FRK: variants seen among roughly 807,000 people sequenced by gnomAD.
The protein encoded by FRK is fyn related Src family tyrosine kinase.
In FRK, 51 loss-of-function variants were observed where a neutral mutation model predicts 56.4. The observed-to-expected ratio is 0.90, with a 90% CI of 0.72 to 1.14. The LOEUF (loss-of-function observed/expected upper bound fraction) is 1.14, where lower values mean the gene tolerates loss of function less well. Among genes scored for constraint, FRK ranks in the 50% most tolerant of loss-of-function variants. The pLI is 0.00. For missense variants in FRK, 570 were observed against 601.4 expected (o/e 0.95, Z 0.55); for synonymous variants, 245 against 217.9 (o/e 1.12, Z -1.10).
At chr6:115,958,979 A>T (rs917639411) in intron 4 of FRK, among the ~76,000 whole-genome samples, 2 of 152,206 alleles carry the variant, frequency 1.3e-5, no homozygotes, top group South Asian at 4.1e-4. Flanking sequence ...CTGAAATCAC[A>T]GTAGGTCAGA....
rs550007992 is a variant in FRK, at chr6:115,938,942, A to G, written c.*3472T>C. ...ATTCTTTCTGAAACTATTCCAAACA[A>G]TAGGAAAAGAGGGACTCCTCCCTAA... On this transcript the variant is annotated 3_prime_UTR_variant, in exon 8 of 8. Coordinates refer to ENST00000606080, the MANE Select transcript of FRK (RefSeq NM_002031.3). The G allele has an allele frequency of 2.0e-5, 3 of 152,298 alleles. No individual in the cohort carries two copies. In the South Asian group the frequency reaches 6.2e-4, roughly 32 times the overall value. 9.4% of individuals were successfully genotyped at this position (152,298 alleles called of 1,614,324 possible).
chr6:116,089,633 C>G, the FRK span, among the ~76,000 whole-genome samples: 1 of 152,302 alleles, frequency 6.6e-6, no homozygotes, highest in East Asian at 1.9e-4. Flanking sequence ...TGTGTCCTCA[C>G]ACACTCTTTG....
At chr6:116,033,822 A>C (rs1776379966) in intron 1 of FRK, among the ~76,000 whole-genome samples, 1 of 152,136 alleles carries the variant, frequency 6.6e-6, no homozygotes, top group African/African-American at 2.4e-5. Context: ...GACTGTATTT[A>C]AGGTAAGGGT....
the FRK span, among the ~76,000 whole-genome samples, chr6:116,099,356 T>TC: frequency 6.6e-6 from 1 of 152,172 alleles, no homozygotes; most frequent in Non-Finnish European, 1.5e-5. Flanking sequence ...AACAAGATAT[T>TC]CCCCAAGGAA....
chr6:115,982,458 C>T (rs1479563293), intron 2 of FRK, among the ~76,000 whole-genome samples: 2 of 152,122 alleles, frequency 1.3e-5, no homozygotes, highest in African/African-American at 4.8e-5. Context: ...AGAATCCTGA[C>T]TAATACAATT....
At chr6:116,051,434 T>C (rs1777176528) in intron 1 of FRK, among the ~76,000 whole-genome samples, 1 of 152,158 alleles carries the variant, frequency 6.6e-6, no homozygotes, top group South Asian at 2.1e-4. Context: ...AAAAATTGCA[T>C]CATGACAGAA....
chr6:116,031,656 T>G (rs1374357240), intron 1 of FRK, among the ~76,000 whole-genome samples: 1 of 152,076 alleles, frequency 6.6e-6, no homozygotes, highest in Non-Finnish European at 1.5e-5. Flanking sequence ...TTAGAGTCCA[T>G]GGACTCCCAC....
At chr6:115,982,527 G>A (rs1193588009) in intron 2 of FRK, among the ~76,000 whole-genome samples, 1 of 152,078 alleles carries the variant, frequency 6.6e-6, no homozygotes, top group Admixed American at 6.6e-5. Flanking sequence ...TGTAGGTCAG[G>A]TAACATACAA....
In FRK at chr6:115,940,773, A is replaced by G. The variant is rs1024686340; in HGVS notation, c.*1641T>C. ...TAGAGAAATCCAAATCAAAACCACA[A>G]TGAGATACCATCTCACACCAGTTAG... On this transcript the variant is annotated 3_prime_UTR_variant, in exon 8 of 8. Coordinates refer to ENST00000606080, the MANE Select transcript of FRK (RefSeq NM_002031.3). 1 of 152,272 alleles carries G rather than the reference A, an allele frequency of 6.6e-6. No homozygotes were observed. Among genetic ancestry groups the G allele is most frequent in the African/African-American group, 2.4e-5 (1 of 41,476 alleles). The allele number at this position is 152,272 out of a possible 1,614,324, so 9.4% of individuals were successfully genotyped here.
At chr6:115,948,204 A>T (rs899909118) in intron 5 of FRK, among the ~76,000 whole-genome samples, 3 of 152,192 alleles carry the variant, frequency 2.0e-5, no homozygotes, top group Non-Finnish European at 2.9e-5. Flanking sequence ...TCTAGCAAGG[A>T]GCAAAGGGCA....
chr6:116,012,711 A>C (rs915890945), intron 1 of FRK, among the ~76,000 whole-genome samples: 5 of 152,206 alleles, frequency 3.3e-5, no homozygotes, highest in Non-Finnish European at 7.4e-5. Context: ...ATTGAACTTT[A>C]GATAATGCCT....
chr6:116,033,602 G>A (rs1424373923), intron 1 of FRK, among the ~76,000 whole-genome samples: 1 of 152,126 alleles, frequency 6.6e-6, no homozygotes, highest in Admixed American at 6.6e-5. Context: ...TGTGGCAGAA[G>A]TGGAAGAAGC....
At position 115,943,235 on chromosome 6, in the gene FRK, TTG is replaced by T. The variant is rs1554223047; in HGVS notation, c.1141-52_1141-51del. On this transcript the variant is annotated intron_variant, in intron 6 of 7. Coordinates refer to ENST00000606080, the MANE Select transcript of FRK (RefSeq NM_002031.3). ...CCGAGTTAAAGCAATTTTTTTTTTT[TTG>T]CTAACCTCATTCATCTATAATCTGC... 5.2e-6 allele frequency: 7 copies of T among 1,350,330 alleles called. No homozygotes were observed. In the South Asian group the frequency reaches 8.5e-5, roughly 16 times the overall value. 83.6% of individuals were successfully genotyped at this position (1,350,330 alleles called of 1,614,324 possible).
intron 2 of FRK, among the ~76,000 whole-genome samples, chr6:115,980,305 TA>T (rs1479383088): frequency 6.6e-6 from 1 of 152,150 alleles, no homozygotes; most frequent in Non-Finnish European, 1.5e-5. Flanking sequence ...GAGTCGTTTT[TA>T]AAAATTATGT....
intron 7 of FRK, 136 bp downstream of exon 7, chr6:115,942,884 T>C: frequency 1.2e-6 from 1 of 865,766 alleles, no homozygotes; most frequent in Non-Finnish European, 1.8e-6. Context: ...ATCATCAAAT[T>C]TTATCTATCA....
chr6:116,072,536 C>CAT, the FRK span, among the ~76,000 whole-genome samples: 1 of 132,966 alleles, frequency 7.5e-6, no homozygotes, highest in African/African-American at 2.7e-5. Flanking sequence ...AATAAACACA[C>CAT]ACACACACAC....
At chr6:116,039,123 T>A in intron 1 of FRK, 1 of 856,146 alleles carries the variant, frequency 1.2e-6, no homozygotes, top group Non-Finnish European at 2.0e-6. Context: ...CTCAGAGTAA[T>A]CGCTTGCACT....
At chr6:116,004,528 A>T (rs547071357) in intron 1 of FRK, among the ~76,000 whole-genome samples, 22 of 152,332 alleles carry the variant, frequency 1.4e-4, no homozygotes, top group Non-Finnish European at 1.8e-4. Context: ...CAACCCTGCC[A>T]TAAGATGAGA....
At chr6:116,059,831 G>T in intron 1 of FRK, 137 bp downstream of exon 1, 1 of 729,682 alleles carries the variant, frequency 1.4e-6, no homozygotes, top group Non-Finnish European at 2.3e-6. Flanking sequence ...GTTTCAATTA[G>T]TGGTTTCTTG....
Sources: allele counts gnomAD v4.1 joint callset (sites outside exome capture counted in the v4.1 genomes callset), GRCh38; gene constraint gnomAD v4.1.1; transcripts MANE v1.5; gene names NCBI Gene and HGNC (gene_info 2026-07-23, HGNC 2026-07-21).